The following MYO3B variants were observed in gnomAD, a reference collection of about 807,000 sequenced individuals.
MYO3B encodes the protein myosin IIIB, also known as myosin-IIIb.
A neutral mutation model predicts 174.6 loss-of-function variants in MYO3B; 156 were observed. The observed-to-expected ratio is 0.89, with a 90% CI of 0.78 to 1.02. The LOEUF (loss-of-function observed/expected upper bound fraction) is 1.02, where lower values mean the gene tolerates loss of function less well. Among genes scored for constraint, MYO3B ranks in the 50% least tolerant of loss-of-function variants. The probability of loss-of-function intolerance (pLI) is 0.00; values close to 1 mark genes in which losing one functional copy is unlikely to be tolerated. For synonymous variants in MYO3B, 563 were observed against 569.1 expected, an observed-to-expected ratio of 0.99 and a Z score of 0.15; for missense variants, 1,632 against 1,639.4, an observed-to-expected ratio of 1.00 and a Z score of 0.08.
chr2:170,535,968 C>T (rs1689659903), intron 30 of MYO3B, among the ~76,000 whole-genome samples: 1 of 152,212 alleles, frequency 6.6e-6, no homozygotes, highest in Non-Finnish European at 1.5e-5. Flanking sequence ...CTGAAATAAG[C>T]TTTATGGGCA....
At chr2:170,323,788 TA>T (rs1175051826) in intron 7 of MYO3B, among the ~76,000 whole-genome samples, 4 of 152,170 alleles carry the variant, frequency 2.6e-5, no homozygotes, top group Non-Finnish European at 2.9e-5. Flanking sequence ...TTATTATTGT[TA>T]GCTGTTGTTA....
At chr2:170,622,225 A>C (rs1695984087) in intron 32 of MYO3B, among the ~76,000 whole-genome samples, 1 of 152,210 alleles carries the variant, frequency 6.6e-6, no homozygotes, top group South Asian at 2.1e-4. Flanking sequence ...AGTGTGGCTA[A>C]TTGTTAAGGT....
chr2:170,525,769 A>G (rs1048909851), intron 30 of MYO3B, among the ~76,000 whole-genome samples: 1 of 152,240 alleles, frequency 6.6e-6, no homozygotes, highest in African/African-American at 2.4e-5. Flanking sequence ...GATGAGCCAG[A>G]GAAACAGCCT....
Position 170,653,194 on chromosome 2 carries a change from G to A in MYO3B, c.*73G>A, listed in dbSNP as rs942897083. The A allele has an allele frequency of 6.3e-7, 1 of 1,575,172 alleles. No individual in the cohort carries two copies. Among genetic ancestry groups the A allele is most frequent in the African/African-American group, 1.4e-5 (1 of 74,058 alleles). On this transcript the variant is annotated 3_prime_UTR_variant, in exon 35 of 35. Transcript: ENST00000408978. Reference sequence around the variant, plus strand: ...TAATCGACTGTCTGTCATTGCGTAAGAAAGCACTGATATGGGGTCAGCTTC... The same window carrying A: ...TAATCGACTGTCTGTCATTGCGTAAAAAAGCACTGATATGGGGTCAGCTTC...
At chr2:170,477,130 T>G (rs752582451) in intron 25 of MYO3B, among the ~76,000 whole-genome samples, 1 of 152,180 alleles carries the variant, frequency 6.6e-6, no homozygotes, top group Non-Finnish European at 1.5e-5. Context: ...TTCCCCACCA[T>G]TCTCCCTCAC....
At chr2:170,211,773 A>AG (rs2092772992) in intron 3 of MYO3B, among the ~76,000 whole-genome samples, 1 of 152,198 alleles carries the variant, frequency 6.6e-6, no homozygotes, top group East Asian at 1.9e-4. Flanking sequence ...ACACAAAACA[A>AG]GATGGAGGCC....
chr2:170,481,556 A>G (rs1271595043), intron 25 of MYO3B, among the ~76,000 whole-genome samples: 1 of 152,218 alleles, frequency 6.6e-6, no homozygotes, highest in African/African-American at 2.4e-5. Flanking sequence ...AGCCTGGGTG[A>G]CAGAGTGAGA....
At chr2:170,583,972 G>A (rs1357835765) in intron 32 of MYO3B, among the ~76,000 whole-genome samples, 1 of 152,110 alleles carries the variant, frequency 6.6e-6, no homozygotes, top group East Asian at 1.9e-4. Flanking sequence ...AGATAACCTG[G>A]CAAAGAGCTG....
chr2:170,577,342 A>G (rs1370786141), intron 32 of MYO3B, among the ~76,000 whole-genome samples: 2 of 152,184 alleles, frequency 1.3e-5, no homozygotes, highest in East Asian at 3.8e-4. Context: ...TAGCTGGTTC[A>G]TGTTCACATA....
chr2:170,482,749 A>G (rs924879420), intron 25 of MYO3B, among the ~76,000 whole-genome samples: 1 of 152,218 alleles, frequency 6.6e-6, no homozygotes, highest in Non-Finnish European at 1.5e-5. Context: ...GTATTTACAG[A>G]TCTTATTTAC....
chr2:170,499,933 C>CCCTT (rs1179164017), intron 27 of MYO3B, 125 bp downstream of exon 27: 70 of 696,848 alleles, frequency 1.0e-4, no homozygotes, highest in South Asian at 1.5e-4. Context: ...CTCCCTCCCT[C>CCCTT]CCTTCCTTCC....
intron 9 of MYO3B, among the ~76,000 whole-genome samples, chr2:170,375,356 G>A (rs536188355): frequency 2.0e-5 from 3 of 152,272 alleles, no homozygotes; most frequent in Admixed American, 1.3e-4. Flanking sequence ...TCTCTGCCAC[G>A]ACCATGAACT....
intron 30 of MYO3B, among the ~76,000 whole-genome samples, chr2:170,528,209 T>G (rs527927444): frequency 1.3e-5 from 2 of 152,342 alleles, no homozygotes; most frequent in East Asian, 3.9e-4. Flanking sequence ...GCTCCAAGTT[T>G]GGGAAGATGT....
At chr2:170,369,491 G>A in intron 9 of MYO3B, 114 bp downstream of exon 9, 3 of 1,229,578 alleles carry the variant, frequency 2.4e-6, no homozygotes, top group Non-Finnish European at 3.4e-6. Context: ...GCATTTTTAA[G>A]AGTTTTATTT....
chr2:170,405,325 G>T (rs1325470760), intron 20 of MYO3B, among the ~76,000 whole-genome samples: 1 of 152,268 alleles, frequency 6.6e-6, no homozygotes, highest in South Asian at 2.1e-4. Context: ...GAGAATATAC[G>T]ATCTTAGAGC....
intron 32 of MYO3B, among the ~76,000 whole-genome samples, chr2:170,649,336 T>TAAAATAATATAA (rs1559202418): frequency 1.1e-5 from 1 of 93,026 alleles, no homozygotes; most frequent in Non-Finnish European, 1.9e-5. Context: ...ATAATATATA[T>TAAAATAATATAA]TATATATAAA....
intron 29 of MYO3B, among the ~76,000 whole-genome samples, chr2:170,518,651 T>A (rs1429341281): frequency 2.6e-5 from 4 of 152,168 alleles, no homozygotes; most frequent in Non-Finnish European, 5.9e-5. Context: ...AAATTTAACA[T>A]GGATCAAGGT....
At chr2:170,475,251 A>G (rs1415479615) in intron 25 of MYO3B, among the ~76,000 whole-genome samples, 1 of 151,804 alleles carries the variant, frequency 6.6e-6, no homozygotes, top group Non-Finnish European at 1.5e-5. Context: ...CTTAGCCTCT[A>G]TTTGTGTTTT....
chr2:170,490,136 C>T (rs1178849927), intron 25 of MYO3B, among the ~76,000 whole-genome samples: 1 of 150,646 alleles, frequency 6.6e-6, no homozygotes, highest in Non-Finnish European at 1.5e-5. Flanking sequence ...TCAAGCCATT[C>T]TCCTGCCTCA....
Sources: allele counts gnomAD v4.1 joint callset (sites outside exome capture counted in the v4.1 genomes callset), GRCh38; gene constraint gnomAD v4.1.1; transcripts MANE v1.5; gene names NCBI Gene and HGNC (gene_info 2026-07-23, HGNC 2026-07-21).